The following SDC1 variants were observed in gnomAD, a reference collection of about 807,000 sequenced individuals.
SDC1 encodes the protein syndecan 1.
In SDC1, 14 loss-of-function variants were observed where a neutral mutation model predicts 29.7. That is an observed-to-expected ratio of 0.47 (90% CI 0.31 to 0.74). The LOEUF (loss-of-function observed/expected upper bound fraction) is 0.74. Among genes scored for constraint, SDC1 ranks in the 30% least tolerant of loss-of-function variants. The pLI, the probability that SDC1 is intolerant of heterozygous loss-of-function variation, is 0.05. For synonymous variants in SDC1, 204 were observed against 175.5 expected, an observed-to-expected ratio of 1.16 and a Z score of -1.29; for missense variants, 406 against 400.3, an observed-to-expected ratio of 1.01 and a Z score of -0.12.
rs376014122 is a variant in SDC1, at chr2:20,224,558, T to C, written c.66+244A>G. Among the ~76,000 whole-genome samples, 2 of 151,408 alleles carry C rather than the reference T, an allele frequency of 1.3e-5. No homozygotes were observed. Among genetic ancestry groups the C allele is most frequent in the South Asian group, 2.1e-4 (1 of 4,806 alleles). On this transcript the variant is annotated intron_variant, in intron 1 of 4. Coordinates refer to ENST00000254351, the MANE Select transcript of SDC1 (RefSeq NM_002997.5). This position sits in a 1 kb window ranked among gnomAD's most constrained non-coding sequence, Gnocchi z 4.9. ...ACAGATGTGGAGACGTTTTACATAA[T>C]TGAGCGCGGGGCCCCGGCCCCCCAC...
Position 20,224,354 on chromosome 2 carries a change from G to C in SDC1, c.66+448C>G, listed in dbSNP as rs1479249577. 6.6e-6 allele frequency: 1 copy of C among 152,330 alleles called. No homozygotes were observed. Among genetic ancestry groups the C allele is most frequent in the Non-Finnish European group, 1.5e-5 (1 of 68,724 alleles). 9.4% of individuals were successfully genotyped at this position (152,330 alleles called of 1,614,324 possible). The stretch of plus-strand genomic sequence containing the variant: ...CGCAAGGGGCGGGGCGCCCGGGCTC[G>C]GCGGCGCTGGGGCGCAAGCCCGCGG... On this transcript the variant is annotated intron_variant, in intron 1 of 4. Coordinates refer to ENST00000254351, the MANE Select transcript of SDC1 (RefSeq NM_002997.5). This position sits in a 1 kb window ranked among gnomAD's most constrained non-coding sequence, Gnocchi z 4.9.
chr2:20,212,673 G>A (rs1677504509), intron 1 of SDC1, among the ~76,000 whole-genome samples: 1 of 152,184 alleles, frequency 6.6e-6, no homozygotes, highest in Non-Finnish European at 1.5e-5. Flanking sequence ...AGGCAAGCCG[G>A]GGCCTGCCGA....
At chr2:20,220,717 G>A (rs1677790789) in intron 1 of SDC1, among the ~76,000 whole-genome samples, 2 of 152,200 alleles carry the variant, frequency 1.3e-5, no homozygotes, top group African/African-American at 4.8e-5. Flanking sequence ...TGGAAGGAAA[G>A]TGACTCACCC....
chr2:20,202,496 G>C lies in SDC1; in HGVS notation c.*270C>G, dbSNP rs1677051688. On this transcript the variant is annotated 3_prime_UTR_variant, in exon 5 of 5. Transcript: ENST00000254351. ...GAGGCTGCTTCAGTTTGGAGAAACC[G>C]AGTCAGAATGGTGCGATGCCAGGTG... 3.4e-6 allele frequency: 2 copies of C among 591,466 alleles called. No individual in the cohort carries two copies. The highest frequency in any genetic ancestry group is 3.1e-5 in the Admixed American group (1 of 31,816). The allele number at this position is 591,466 out of a possible 1,614,324, so 36.6% of individuals were successfully genotyped here.
intron 1 of SDC1, chr2:20,207,920 T>G (rs753604117): frequency 1.0e-6 from 1 of 983,282 alleles, no homozygotes; most frequent in Admixed American, 6.2e-5. Flanking sequence ...CCCCCACCCA[T>G]ACTCACTGGG....
intron 1 of SDC1, among the ~76,000 whole-genome samples, chr2:20,217,159 G>A (rs779616778): frequency 2.0e-5 from 3 of 152,228 alleles, no homozygotes; most frequent in East Asian, 3.9e-4. Flanking sequence ...CGATACTGCT[G>A]TATCGTGGGA....
chr2:20,205,633 G>A (rs1251697985), intron 1 of SDC1, among the ~76,000 whole-genome samples: 2 of 152,182 alleles, frequency 1.3e-5, no homozygotes, highest in African/African-American at 2.4e-5. Flanking sequence ...ACACAGCCTG[G>A]TACTGGGTGC....
chr2:20,224,956 T>C lies in SDC1; in HGVS notation c.-89A>G. On this transcript the variant is annotated 5_prime_UTR_variant, in exon 1 of 5. Coordinates refer to ENST00000254351, the MANE Select transcript of SDC1 (RefSeq NM_002997.5). The surrounding 1 kb of genome is among the most constrained non-coding windows in gnomAD (Gnocchi z 4.9). ...CGGGTTCCGCTGCTCGATGCTCTCT[T>C]GGGCGCCTGCCCAGCGCGCCGCTGT... 8.4e-7 allele frequency: 1 copy of C among 1,189,482 alleles called. No homozygotes were observed. Among genetic ancestry groups the C allele is most frequent in the Non-Finnish European group, 1.0e-6 (1 of 960,792 alleles). 73.7% of individuals were successfully genotyped at this position (1,189,482 alleles called of 1,614,324 possible). A position where few individuals can be genotyped will look rare whatever the true frequency, so the allele number is the denominator to read the frequency against.
In SDC1 at chr2:20,222,965, C is replaced by T. The variant is rs1440934859; in HGVS notation, c.66+1837G>A. 2.0e-5 allele frequency among the ~76,000 whole-genome samples: 3 copies of T among 152,310 alleles called. No individual in the cohort carries two copies. The South Asian group carries it at 6.2e-4, about 32-fold the overall frequency. ...CAGCGGTCCAGGGAGGTAAGGCACC[C>T]AGCTCCATTCTCTTCTCCAAACTCG... On this transcript the variant is annotated intron_variant, in intron 1 of 4. Transcript: ENST00000254351.
At position 20,202,314 on chromosome 2, in the gene SDC1, G is replaced by A. The variant is rs1177017075; in HGVS notation, c.*452C>T. The A allele has an allele frequency of 2.6e-6, 2 of 777,038 alleles. No individual in the cohort carries two copies. Among genetic ancestry groups the A allele is most frequent in the East Asian group, 2.4e-5 (1 of 41,168 alleles). 48.1% of individuals were successfully genotyped at this position (777,038 alleles called of 1,614,324 possible). On this transcript the variant is annotated 3_prime_UTR_variant, in exon 5 of 5. Coordinates refer to ENST00000254351, the MANE Select transcript of SDC1 (RefSeq NM_002997.5). ...GAAACAAAGTGGACTCCTGTCCCCTGCCACTCAGCGGCCACCCCCCCAAGA... is the reference window on the plus strand; with the variant it reads ...GAAACAAAGTGGACTCCTGTCCCCTACCACTCAGCGGCCACCCCCCCAAGA...
chr2:20,208,426 G>A (rs1677352225), intron 1 of SDC1, among the ~76,000 whole-genome samples: 1 of 152,158 alleles, frequency 6.6e-6, no homozygotes, highest in Non-Finnish European at 1.5e-5. Context: ...CCCCTCCCTG[G>A]GCCTTCAGTC....
Position 20,207,381 on chromosome 2 carries a change from G to A in SDC1, c.67-1957C>T, listed in dbSNP as rs975328802. ...AGTCACATTCCGCCAAGGCTCACCT[G>A]CAATGAACAGTCACAGTCCACCATG... On this transcript the variant is annotated intron_variant, in intron 1 of 4. Coordinates refer to ENST00000254351, the MANE Select transcript of SDC1 (RefSeq NM_002997.5). The A allele has an allele frequency of 1.1e-4, 107 of 984,162 alleles. 1 individual carries two copies. The South Asian group carries it at 4.3e-3, about 40-fold the overall frequency. 61.0% of individuals were successfully genotyped at this position (984,162 alleles called of 1,614,324 possible). A position where few individuals can be genotyped will look rare whatever the true frequency, so the allele number is the denominator to read the frequency against.
At chr2:20,209,433 C>A (rs1327547292) in intron 1 of SDC1, among the ~76,000 whole-genome samples, 1 of 152,198 alleles carries the variant, frequency 6.6e-6, no homozygotes, top group Non-Finnish European at 1.5e-5. Flanking sequence ...TTAAGGAAAA[C>A]CTGTCTAAGG....
At chr2:20,223,960 GGACCC>G (rs1677905972) in intron 1 of SDC1, among the ~76,000 whole-genome samples, 1 of 152,076 alleles carries the variant, frequency 6.6e-6, no homozygotes. Context: ...GCGGGCCAAG[GGACCC>G]GCCTTCCCTC....
chr2:20,217,431 G>C (rs1017402670), intron 1 of SDC1, among the ~76,000 whole-genome samples: 1 of 152,154 alleles, frequency 6.6e-6, no homozygotes, highest in African/African-American at 2.4e-5. Context: ...CAGAGCACAG[G>C]CAGGCCCCCA....
Position 20,202,241 on chromosome 2 carries a change from A to G in SDC1, c.*525T>C. On this transcript the variant is annotated 3_prime_UTR_variant, in exon 5 of 5. Transcript: ENST00000254351. ...TACTGGGCTATGAACAAAGAACTAG[A>G]GGAAACATGTGCAAAAACAAGTCGA... is the stretch of plus-strand genomic sequence containing the variant. 1 of 778,464 alleles carries G rather than the reference A, an allele frequency of 1.3e-6. No homozygotes were observed. The highest frequency in any genetic ancestry group is 2.4e-6 in the Non-Finnish European group (1 of 417,616). The allele number at this position is 778,464 out of a possible 1,614,324, so 48.2% of individuals were successfully genotyped here.
rs201690408 is a variant in SDC1 at position 20,203,165 on chromosome 2, G to T, written c.685C>A (p.Arg229Ser). Residue 229 changes from arginine to serine, a missense_variant, in exon 4 of 5, where the codon CGC becomes AGC. Physicochemically the swap from Arg to Ser is moderately radical, Grantham distance 110. Transcript: ENST00000254351. ...TGATCCACTGGGGACTGGTTCCGGCGGTCAGGCTCCACGGCCACTACAGCC... is the reference window on the plus strand; with the variant it reads ...TGATCCACTGGGGACTGGTTCCGGCTGTCAGGCTCCACGGCCACTACAGCC... The part of the protein sequence containing the change: ...NTAVVAVEPD[R>S]RNQSPVDQGA... 12 of 1,612,968 alleles carry T rather than the reference G, an allele frequency of 7.4e-6. No homozygotes were observed. Among genetic ancestry groups the T allele is most frequent in the African/African-American group, 4.0e-5 (3 of 74,920 alleles).
In SDC1 at chr2:20,211,307, GC is replaced by G. The variant is rs749243513; in HGVS notation, c.67-5884del. ...GGAGGAAAAGGCATCCCCCAGAGTG[GC>G]CCAGCCTGGAGGAGGCAAGAGCTCG... On this transcript the variant is annotated intron_variant, in intron 1 of 4. Coordinates refer to ENST00000254351, the MANE Select transcript of SDC1 (RefSeq NM_002997.5). Among the ~76,000 whole-genome samples the G allele has an allele frequency of 5.5e-4, 83 of 152,220 alleles. 1 individual carries two copies. The highest frequency in any genetic ancestry group is 1.0e-3 in the Non-Finnish European group (68 of 68,040).
intron 1 of SDC1, among the ~76,000 whole-genome samples, chr2:20,211,755 G>C (rs952767789): frequency 1.3e-5 from 2 of 152,266 alleles, no homozygotes; most frequent in African/African-American, 4.8e-5. Flanking sequence ...AGGGGTACCA[G>C]TGGGAGGGCA....
Sources: gnomAD v4.1 joint callset for allele counts (sites outside exome capture counted in the v4.1 genomes callset) on GRCh38, gnomAD v4.1.1 for gene constraint, Gnocchi (gnomAD v3.1) non-coding constraint, MANE v1.5 for transcripts, NCBI Gene and HGNC (gene_info 2026-07-23, HGNC 2026-07-21) for gene names.